Variants in TMEM204 observed in about 807,000 individuals in gnomAD.
The protein encoded by TMEM204 is claudin-like protein 24.
TMEM204 carries 15 observed loss-of-function variants against 19.4 expected under a neutral mutation model. That is an observed-to-expected ratio of 0.77 (90% CI 0.52 to 1.19). TMEM204 has a LOEUF of 1.19. Among genes scored for constraint, TMEM204 ranks in the 50% most tolerant of loss-of-function variants. The pLI is 0.00. For missense variants in TMEM204, 287 were observed against 321.2 expected (o/e 0.89, Z 0.81); for synonymous variants, 161 against 146.0 (o/e 1.10, Z -0.74).
rs1159848028 is a variant in TMEM204, at chr16:1,534,326, A to G, written c.51A>G (p.Ser17=). 1 of 1,612,718 alleles carries G rather than the reference A, an allele frequency of 6.2e-7. No homozygotes were observed. The highest frequency in any genetic ancestry group is 2.2e-5 in the East Asian group (1 of 44,864). The change falls in exon 1 of 3, where the codon TCA becomes TCG. Residue 17 remains serine, a synonymous_variant. Coordinates refer to ENST00000566264, the MANE Select transcript of TMEM204 (RefSeq NM_024600.6). ...CGGCCGTGCTGGTGGCCCTGGTCTC[A>G]CTCATCCTCAACAACGTGGCGGCCT... is the stretch of plus-strand genomic sequence containing the variant. ...VAAAVLVALV[S]LILNNVAAFT... is the part of the protein sequence containing the mutation.
intron 2 of TMEM204, among the ~76,000 whole-genome samples, chr16:1,549,580 C>T (rs1323941437): frequency 4.6e-5 from 7 of 152,194 alleles, no homozygotes; most frequent in East Asian, 1.9e-4. Flanking sequence ...TACAGGTGCC[C>T]GCCACCACGC....
At chr16:1,538,564 C>T (rs2031310046) in intron 1 of TMEM204, among the ~76,000 whole-genome samples, 1 of 152,170 alleles carries the variant, frequency 6.6e-6, no homozygotes, top group African/African-American at 2.4e-5. Context: ...GAGCCCTGGG[C>T]AGGGAATCTG....
At chr16:1,542,483 G>A (rs1055796807) in intron 2 of TMEM204, among the ~76,000 whole-genome samples, 1 of 152,240 alleles carries the variant, frequency 6.6e-6, no homozygotes, top group Non-Finnish European at 1.5e-5. Context: ...GGCAGAGGCA[G>A]AAGAGCCCAT....
Position 1,553,235 on chromosome 16 carries a change from T to C in TMEM204, c.437-1547T>C. On this transcript the variant is annotated intron_variant, in intron 2 of 2. Coordinates refer to ENST00000566264, the MANE Select transcript of TMEM204 (RefSeq NM_024600.6). This position sits in a 1 kb window ranked among gnomAD's most constrained non-coding sequence, Gnocchi z 4.4. Reference sequence around the variant, plus strand: ...GTCTCTCTCTGTCTCCATCTGTCTCTGTGTCTGTCTCTGTCTCTCTGTATC... The same window carrying C: ...GTCTCTCTCTGTCTCCATCTGTCTCCGTGTCTGTCTCTGTCTCTCTGTATC... 1 of 978,462 alleles carries C rather than the reference T, an allele frequency of 1.0e-6. No homozygotes were observed. The highest frequency in any genetic ancestry group is 1.2e-6 in the Non-Finnish European group (1 of 824,198). 60.6% of individuals were successfully genotyped at this position (978,462 alleles called of 1,614,324 possible). A position where few individuals can be genotyped will look rare whatever the true frequency, so the allele number is the denominator to read the frequency against.
intron 2 of TMEM204, among the ~76,000 whole-genome samples, chr16:1,546,422 G>A (rs2032176808): frequency 6.6e-6 from 1 of 152,204 alleles, no homozygotes; most frequent in South Asian, 2.1e-4. Flanking sequence ...GGTCAGCTGT[G>A]AGTGCCTGGA....
chr16:1,531,267 C>T (rs747006615), upstream of TMEM204: 1 of 152,242 alleles, frequency 6.6e-6, no homozygotes, highest in Admixed American at 6.5e-5. This position sits in a 1 kb window ranked among gnomAD's most constrained non-coding sequence, Gnocchi z 4.7. Flanking sequence ...TCATCAGCCC[C>T]GAGGCACTGG....
chr16:1,538,635 A>G (rs1203499725), intron 1 of TMEM204, among the ~76,000 whole-genome samples: 1 of 152,132 alleles, frequency 6.6e-6, no homozygotes, highest in Non-Finnish European at 1.5e-5. Context: ...CTCATTTTGC[A>G]ATGTTTAGAG....
upstream of TMEM204, among the ~76,000 whole-genome samples, chr16:1,529,116 C>A (rs761217279): frequency 2.6e-5 from 4 of 152,208 alleles, no homozygotes; most frequent in African/African-American, 9.7e-5. Flanking sequence ...TCCCGAAAGC[C>A]AGCAGGTACT....
At chr16:1,550,189 C>G (rs2032518127) in intron 2 of TMEM204, among the ~76,000 whole-genome samples, 1 of 152,140 alleles carries the variant, frequency 6.6e-6, no homozygotes, top group Non-Finnish European at 1.5e-5. Context: ...ATCTGTCCAC[C>G]TTGGCCTTCC....
chr16:1,532,185 G>C (rs1373159294), upstream of TMEM204: 2 of 152,292 alleles, frequency 1.3e-5, no homozygotes, highest in African/African-American at 4.8e-5. Flanking sequence ...GGGGCCGGCA[G>C]CACCACTGTG....
At chr16:1,542,203 A>T in intron 2 of TMEM204, 127 bp downstream of exon 2, 2 of 1,072,266 alleles carry the variant, frequency 1.9e-6, no homozygotes, top group African/African-American at 1.6e-5. Flanking sequence ...ACATGGCCAC[A>T]GGCCACTGAG....
At chr16:1,530,257 C>G (rs949583572), upstream of TMEM204, among the ~76,000 whole-genome samples, 1 of 151,298 alleles carries the variant, frequency 6.6e-6, no homozygotes, top group Non-Finnish European at 1.5e-5. Context: ...CTCAGCCTCC[C>G]GAGTAGTTGG....
intron 1 of TMEM204, among the ~76,000 whole-genome samples, chr16:1,539,537 AC>A (rs1431245416): frequency 6.6e-6 from 1 of 152,024 alleles, no homozygotes; most frequent in Non-Finnish European, 1.5e-5. Context: ...CCGTACGGGA[AC>A]CCCTTGGCCA....
chr16:1,539,177 C>A (rs2031383112), intron 1 of TMEM204, among the ~76,000 whole-genome samples: 1 of 151,648 alleles, frequency 6.6e-6, no homozygotes, highest in African/African-American at 2.4e-5. Context: ...TGCCACGCCG[C>A]CCCACGCCTT....
At chr16:1,552,797 G>T in intron 2 of TMEM204, 1 of 179,246 alleles carries the variant, frequency 5.6e-6, no homozygotes, top group Non-Finnish European at 1.1e-5. Flanking sequence ...ACAGGTGCCT[G>T]CCACCACACC....
intron 1 of TMEM204, among the ~76,000 whole-genome samples, chr16:1,539,862 G>A (rs979437099): frequency 3.3e-5 from 5 of 152,162 alleles, no homozygotes; most frequent in African/African-American, 1.2e-4. Flanking sequence ...GCAGCCCGGG[G>A]ACCCCGTGCC....
chr16:1,550,813 G>C (rs1234532714), intron 2 of TMEM204, among the ~76,000 whole-genome samples: 4 of 152,234 alleles, frequency 2.6e-5, no homozygotes, highest in African/African-American at 9.6e-5. Context: ...AGGAATGCCA[G>C]TTCCCCAAGG....
chr16:1,542,317 G>A (rs2031728665), intron 2 of TMEM204, among the ~76,000 whole-genome samples: 1 of 152,258 alleles, frequency 6.6e-6, no homozygotes, highest in African/African-American at 2.4e-5. Flanking sequence ...CACCTGGCGT[G>A]TCTGTCACAC....
intron 2 of TMEM204, among the ~76,000 whole-genome samples, chr16:1,545,638 A>C (rs767826294): frequency 3.3e-4 from 51 of 152,320 alleles, no homozygotes; most frequent in Non-Finnish European, 6.5e-4. Context: ...CCTCGATCCC[A>C]GGGCTCGGCA....
Sources: gnomAD v4.1 joint callset for allele counts (sites outside exome capture counted in the v4.1 genomes callset) on GRCh38, gnomAD v4.1.1 for gene constraint, Gnocchi (gnomAD v3.1) non-coding constraint, MANE v1.5 for transcripts, NCBI Gene and HGNC (gene_info 2026-07-23, HGNC 2026-07-21) for gene names.